ZFHX3: variants seen among roughly 807,000 people sequenced by gnomAD.
The protein encoded by ZFHX3 is zinc finger homeobox 3.
ZFHX3 carries 42 observed loss-of-function variants against 279.1 expected under a neutral mutation model. The ratio of observed to expected loss-of-function variants is 0.15; its 90% CI spans 0.12 to 0.19. The LOEUF is 0.19. ZFHX3 is among the 10% of genes least tolerant of loss of function. The probability of loss-of-function intolerance (pLI) is 1.00; values close to 1 mark genes in which losing one functional copy is unlikely to be tolerated. For missense variants in ZFHX3, 4,981 were observed against 4,754.0 expected (o/e 1.05, Z -1.40); for synonymous variants, 2,293 against 1,957.8 (o/e 1.17, Z -4.52).
At chr16:73,696,871 A>T (rs371219699) in intron 1 of ZFHX3, among the ~76,000 whole-genome samples, 1 of 152,196 alleles carries the variant, frequency 6.6e-6, no homozygotes, top group Admixed American at 6.5e-5. Context: ...GTGAGGTAGA[A>T]ATAAAGTGTT....
intron 3 of ZFHX3, among the ~76,000 whole-genome samples, chr16:73,441,279 T>A (rs2018088232): frequency 6.6e-6 from 1 of 152,306 alleles, no homozygotes; most frequent in Admixed American, 6.5e-5. Context: ...ATAAAGGGTA[T>A]AATAATTACA....
chr16:72,957,165 A>T (rs180881145), intron 2 of ZFHX3, among the ~76,000 whole-genome samples: 2 of 152,360 alleles, frequency 1.3e-5, no homozygotes, highest in East Asian at 3.9e-4. Context: ...ACAGAAAACT[A>T]GAGGAAACAC....
Position 72,786,605 on chromosome 16 carries a change from A to G in ZFHX3, c.*559T>C, listed in dbSNP as rs924976534. 2 of 151,112 alleles carry G rather than the reference A, an allele frequency of 1.3e-5. No homozygotes were observed. Among genetic ancestry groups the G allele is most frequent in the Non-Finnish European group, 3.0e-5 (2 of 67,704 alleles). The allele number at this position is 151,112 out of a possible 1,614,324, so 9.4% of individuals were successfully genotyped here. ...GGAACAAAAAAAAAAAAAAAAACTGAAAAAACAATAATATATAAAACAATG... is the reference window on the plus strand; with the variant it reads ...GGAACAAAAAAAAAAAAAAAAACTGGAAAAACAATAATATATAAAACAATG... On this transcript the variant is annotated 3_prime_UTR_variant, in exon 10 of 10. Coordinates refer to ENST00000268489, the MANE Select transcript of ZFHX3 (RefSeq NM_006885.4).
At chr16:72,845,854 T>A (rs1044042086) in intron 4 of ZFHX3, among the ~76,000 whole-genome samples, 2 of 152,332 alleles carry the variant, frequency 1.3e-5, no homozygotes, top group Admixed American at 1.3e-4. Context: ...AGGACTCTCA[T>A]TTCACAGATG....
In ZFHX3 at chr16:72,950,441, G is replaced by A. The variant is rs12149946; in HGVS notation, c.3216+28C>T. The A allele has an allele frequency of 0.026, 41,420 of 1,601,774 alleles. 758 individuals are homozygous for A. The highest frequency in any genetic ancestry group is 0.06 in the South Asian group (5,387 of 90,356). On this transcript the variant is annotated intron_variant, in intron 3 of 9. Coordinates refer to ENST00000268489, the MANE Select transcript of ZFHX3 (RefSeq NM_006885.4). The stretch of plus-strand genomic sequence containing the variant: ...GCAACCCCCTCCTTTCAGAAAGAGC[G>A]CCTGAGCCATAAGGAGCTGGGCCTT...
chr16:72,957,220 C>T lies in ZFHX3; in HGVS notation c.2719+207G>A, dbSNP rs1354589799. Among the ~76,000 whole-genome samples, 5 of 152,346 alleles carry T rather than the reference C, an allele frequency of 3.3e-5. No individual in the cohort carries two copies. The South Asian group carries it at 1.0e-3, about 32-fold the overall frequency. On this transcript the variant is annotated intron_variant, in intron 2 of 9. Transcript: ENST00000268489. ...CCACGTAGCCAGAGTACAAGCATAT[C>T]TCTTTTGAATGCATAAACTCTTCCA...
chr16:73,123,261 G>T (rs1335763200), intron 7 of ZFHX3: 1 of 148,190 alleles, frequency 6.7e-6, no homozygotes, highest in Non-Finnish European at 1.5e-5. Flanking sequence ...AAGACGTGGA[G>T]TCAGTTTCAC....
rs532405250 is a variant in ZFHX3, at chr16:72,919,777, C to CTTTTTTTTTTT, written c.3217-29826_3217-29816dup. Reference sequence around the variant, plus strand: ...CAACTAAAACATGTATATGCACCATCTTTTTTTTTTTTTTTTTTTTTTTTT... The same window carrying CTTTTTTTTTTT: ...CAACTAAAACATGTATATGCACCATCTTTTTTTTTTTTTTTTTTTTTTTTTTTTTTTTTTTT... On this transcript the variant is annotated intron_variant, in intron 3 of 9. Transcript: ENST00000268489. Among the ~76,000 whole-genome samples, 104 of 42,290 alleles carry CTTTTTTTTTTT rather than the reference C, an allele frequency of 2.5e-3. 33 individuals are homozygous for CTTTTTTTTTTT. The highest frequency in any genetic ancestry group is 6.9e-3 in the African/African-American group (66 of 9,514). The allele number at this position is 42,290 out of a possible 152,430, so 27.7% of individuals were successfully genotyped here. A position where few individuals can be genotyped will look rare whatever the true frequency, so the allele number is the denominator to read the frequency against.
chr16:72,939,240 C>T (rs1297534900), intron 3 of ZFHX3, among the ~76,000 whole-genome samples: 1 of 152,124 alleles, frequency 6.6e-6, no homozygotes, highest in Non-Finnish European at 1.5e-5. Flanking sequence ...CTTTGATCTC[C>T]CCCACCCCCA....
intron 7 of ZFHX3, among the ~76,000 whole-genome samples, chr16:72,804,868 C>T (rs955531720): frequency 3.3e-5 from 5 of 152,164 alleles, no homozygotes; most frequent in Admixed American, 2.0e-4. Flanking sequence ...CTTATGGGAC[C>T]GTTCATGCCA....
intron 3 of ZFHX3, among the ~76,000 whole-genome samples, chr16:73,417,398 T>TTC (rs1555515180): frequency 2.8e-5 from 4 of 142,472 alleles, no homozygotes; most frequent in South Asian, 2.2e-4. Context: ...TTTCTTTTCT[T>TTC]TTTTTTTTTT....
chr16:73,733,113 A>G (rs2053582829), intron 1 of ZFHX3, among the ~76,000 whole-genome samples: 1 of 152,230 alleles, frequency 6.6e-6, no homozygotes, highest in Non-Finnish European at 1.5e-5. Flanking sequence ...ATAAAATTTA[A>G]GTTCTGAATT....
chr16:73,577,828 G>C (rs1445613820), intron 2 of ZFHX3, among the ~76,000 whole-genome samples: 1 of 152,166 alleles, frequency 6.6e-6, no homozygotes, highest in Non-Finnish European at 1.5e-5. Context: ...TTTAATAACT[G>C]AGTGAAGAGT....
At chr16:73,334,705 C>A (rs2015874793) in intron 3 of ZFHX3, among the ~76,000 whole-genome samples, 1 of 150,954 alleles carries the variant, frequency 6.6e-6, no homozygotes, top group Non-Finnish European at 1.5e-5. Context: ...CAAGTGGAAG[C>A]GTTTCAGAGT....
At chr16:73,141,514 C>G (rs1341612026) in intron 6 of ZFHX3, among the ~76,000 whole-genome samples, 1 of 151,934 alleles carries the variant, frequency 6.6e-6, no homozygotes, top group Admixed American at 6.6e-5. Context: ...ACTCCCATCT[C>G]AGTCTCCCGA....
chr16:73,565,976 AG>A (rs1249893301), intron 2 of ZFHX3, among the ~76,000 whole-genome samples: 1 of 152,210 alleles, frequency 6.6e-6, no homozygotes, highest in Non-Finnish European at 1.5e-5. Flanking sequence ...CAAGGAGAAA[AG>A]ATGAGTTCTG....
At position 72,796,032 on chromosome 16, in the gene ZFHX3, G is replaced by C; in HGVS notation, c.6650C>G (p.Thr2217Ser). ...GTCAATCTTGAGCTCCTCCAGGCTG[G>C]TGATAGGAGGATTACTGAAGTTGTA... Reference protein sequence around the residue: ...SPYNFSNPPITSLEELKIDSR... With the variant: ...SPYNFSNPPISSLEELKIDSR... The change falls in exon 9 of 10, where the codon ACC becomes AGC. Residue 2217 changes from threonine to serine, a missense_variant. This residue lies in a region of ZFHX3 where 177 missense variants were observed against 244.2 expected (regional missense o/e 0.72). Transcript: ENST00000268489. 2.5e-6 allele frequency: 4 copies of C among 1,614,176 alleles called. No individual in the cohort carries two copies. The highest frequency in any genetic ancestry group is 1.1e-5 in the South Asian group (1 of 91,074).
rs368067547 is a variant in ZFHX3, at chr16:73,819,832, G to A, written c.-1608+71819C>T. On this transcript the variant is annotated intron_variant, in intron 1 of 17. Coordinates refer to the ZFHX3 transcript ENST00000641206. ...AATGGACTAATGCCAGAGTTGAATA[G>A]TAAGATCTTCCCCATATTTAAACCA... 3.3e-5 allele frequency among the ~76,000 whole-genome samples: 5 copies of A among 152,224 alleles called. No individual in the cohort carries two copies. The South Asian group carries it at 1.0e-3, about 32-fold the overall frequency.
intron 4 of ZFHX3, among the ~76,000 whole-genome samples, chr16:72,866,868 C>T (rs1012774969): frequency 6.6e-6 from 1 of 152,216 alleles, no homozygotes; most frequent in Non-Finnish European, 1.5e-5. Context: ...CACCGACCTG[C>T]AGTTCCACCT....
Sources: allele counts gnomAD v4.1 joint callset (sites outside exome capture counted in the v4.1 genomes callset), GRCh38; gene constraint gnomAD v4.1.1; regional missense constraint gnomAD v4.1.1; transcripts MANE v1.5; gene names NCBI Gene and HGNC (gene_info 2026-07-23, HGNC 2026-07-21).